Variants in TENM3 observed in about 807,000 individuals in gnomAD.
The protein encoded by TENM3 is teneurin-3.
Under a neutral mutation model 255.1 loss-of-function variants are expected in TENM3, and 63 were observed. That is an observed-to-expected ratio of 0.25 (90% CI 0.20 to 0.30). The LOEUF (loss-of-function observed/expected upper bound fraction) is 0.30, where lower values mean the gene tolerates loss of function less well. Ranked by LOEUF, TENM3 falls within the 10% of genes least tolerant of loss-of-function variation. The pLI, the probability that TENM3 is intolerant of heterozygous loss-of-function variation, is 1.00. For synonymous variants in TENM3, 1,306 were observed against 1,322.3 expected, an observed-to-expected ratio of 0.99 and a Z score of 0.27; for missense variants, 2,929 against 3,461.1, an observed-to-expected ratio of 0.85 and a Z score of 3.86.
At chr4:182,009,251 T>A in the TENM3 span, among the ~76,000 whole-genome samples, 1 of 152,094 alleles carries the variant, frequency 6.6e-6, no homozygotes, top group Admixed American at 6.5e-5. Context: ...AATGAAGCAC[T>A]TTGTCCCTTG....
At chr4:182,415,560 G>A (rs1035111011) in intron 3 of TENM3, among the ~76,000 whole-genome samples, 1 of 152,142 alleles carries the variant, frequency 6.6e-6, no homozygotes, top group South Asian at 2.1e-4. Flanking sequence ...GAGGGAGACT[G>A]GGAAGGAAAA....
chr4:182,115,132 G>A, the TENM3 span, among the ~76,000 whole-genome samples: 1 of 152,174 alleles, frequency 6.6e-6, no homozygotes, highest in Non-Finnish European at 1.5e-5. Flanking sequence ...AGTGAGCCAA[G>A]ATCATGCCCC....
chr4:182,794,601 G>A (rs1766355701), intron 26 of TENM3, among the ~76,000 whole-genome samples: 1 of 152,192 alleles, frequency 6.6e-6, no homozygotes, highest in Non-Finnish European at 1.5e-5. Flanking sequence ...TGCAGTTCTT[G>A]CATGGTGACA....
intron 3 of TENM3, among the ~76,000 whole-genome samples, chr4:182,419,995 T>A (rs1036237836): frequency 6.6e-6 from 1 of 152,070 alleles, no homozygotes; most frequent in African/African-American, 2.4e-5. Flanking sequence ...TGTCCACATG[T>A]ACCCTAGAAC....
chr4:182,103,763 A>C, the TENM3 span, among the ~76,000 whole-genome samples: 1 of 152,232 alleles, frequency 6.6e-6, no homozygotes, highest in Non-Finnish European at 1.5e-5. Flanking sequence ...CATTATAATA[A>C]TGGTTATAAG....
chr4:181,606,974 A>G, the TENM3 span, among the ~76,000 whole-genome samples: 1 of 152,276 alleles, frequency 6.6e-6, no homozygotes, highest in African/African-American at 2.4e-5. Flanking sequence ...ACCAGCAGAG[A>G]CAAGAGTGGA....
At chr4:182,114,917 C>A in the TENM3 span, among the ~76,000 whole-genome samples, 5 of 152,148 alleles carry the variant, frequency 3.3e-5, no homozygotes, top group Non-Finnish European at 7.3e-5. Context: ...CAAAGTGGCT[C>A]ATGCCTATAA....
the TENM3 span, among the ~76,000 whole-genome samples, chr4:181,521,168 A>G: frequency 7.2e-5 from 11 of 152,360 alleles, no homozygotes; most frequent in South Asian, 1.0e-3. Flanking sequence ...AGCTCTTTAC[A>G]TCTGAGACCC....
chr4:181,703,795 G>T, the TENM3 span, among the ~76,000 whole-genome samples: 1 of 119,662 alleles, frequency 8.4e-6, no homozygotes, highest in African/African-American at 2.6e-5. Flanking sequence ...GTTCTTTGGG[G>T]AGTTTTTTTT....
intron 1 of TENM3, among the ~76,000 whole-genome samples, chr4:182,199,764 C>T (rs1199371962): frequency 6.3e-5 from 8 of 126,522 alleles, no homozygotes; most frequent in African/African-American, 1.5e-4. Flanking sequence ...CTTGCTCTGT[C>T]GCCTAGGCTG....
At chr4:181,649,481 G>A in the TENM3 span, among the ~76,000 whole-genome samples, 1 of 152,304 alleles carries the variant, frequency 6.6e-6, no homozygotes, top group African/African-American at 2.4e-5. Context: ...TAGGCCTTAT[G>A]TGTTGACAAA....
chr4:182,634,194 C>T (rs1451322858), intron 5 of TENM3, among the ~76,000 whole-genome samples: 1 of 152,168 alleles, frequency 6.6e-6, no homozygotes. Flanking sequence ...CTGTTGAGCA[C>T]TTGAAATGTA....
At chr4:182,549,178 G>C (rs1741762358) in intron 3 of TENM3, among the ~76,000 whole-genome samples, 1 of 152,174 alleles carries the variant, frequency 6.6e-6, no homozygotes, top group Non-Finnish European at 1.5e-5. Flanking sequence ...GTGTGCATGT[G>C]TGCATGCTTG....
intron 11 of TENM3, among the ~76,000 whole-genome samples, chr4:182,683,923 C>T (rs1315423136): frequency 6.6e-6 from 1 of 151,654 alleles, no homozygotes; most frequent in Non-Finnish European, 1.5e-5. Flanking sequence ...CTGAAAAAAA[C>T]ACAATAGAGA....
At chr4:182,087,042 C>T in the TENM3 span, among the ~76,000 whole-genome samples, 3 of 152,124 alleles carry the variant, frequency 2.0e-5, no homozygotes, top group South Asian at 2.1e-4. Flanking sequence ...GACATTGTTT[C>T]GATCATTGTG....
chr4:181,967,021 C>T, the TENM3 span, among the ~76,000 whole-genome samples: 10 of 152,076 alleles, frequency 6.6e-5, no homozygotes, highest in Non-Finnish European at 1.3e-4. Flanking sequence ...CTCTCTCTCT[C>T]TCTAGCATGC....
chr4:181,918,295 A>T, the TENM3 span, among the ~76,000 whole-genome samples: 2 of 152,180 alleles, frequency 1.3e-5, no homozygotes, highest in African/African-American at 4.8e-5. Context: ...GCTTTTCCTT[A>T]ACTTTTAGAA....
At chr4:181,512,652 G>A in the TENM3 span, among the ~76,000 whole-genome samples, 3 of 152,096 alleles carry the variant, frequency 2.0e-5, no homozygotes, top group South Asian at 2.1e-4. Flanking sequence ...TTCCACCTGC[G>A]TTTGAAACCA....
the TENM3 span, among the ~76,000 whole-genome samples, chr4:181,587,181 G>A: frequency 2.0e-5 from 3 of 151,900 alleles, no homozygotes; most frequent in East Asian, 1.9e-4. Context: ...CTATACTCCC[G>A]CACTCTCTCC....
Sources: gnomAD v4.1 joint callset for allele counts (sites outside exome capture counted in the v4.1 genomes callset) on GRCh38, gnomAD v4.1.1 for gene constraint, MANE v1.5 for transcripts, NCBI Gene and HGNC (gene_info 2026-07-23, HGNC 2026-07-21) for gene names.